WDR44: variants seen among roughly 807,000 people sequenced by gnomAD.
WDR44 encodes WD repeat domain 44, also known as WD repeat-containing protein 44.
A neutral mutation model predicts 65.7 loss-of-function variants in WDR44; 9 were observed. The observed-to-expected ratio is 0.14, with a 90% CI of 0.08 to 0.24. The LOEUF (loss-of-function observed/expected upper bound fraction) is 0.24. Among genes scored for constraint, WDR44 ranks in the 10% least tolerant of loss-of-function variants. The probability of loss-of-function intolerance (pLI) is 1.00; values close to 1 mark genes in which losing one functional copy is unlikely to be tolerated. For synonymous variants in WDR44, 220 were observed against 235.2 expected, an observed-to-expected ratio of 0.94 and a Z score of 0.59; for missense variants, 425 against 670.9, an observed-to-expected ratio of 0.63 and a Z score of 4.05.
At chrX:118,348,437 G>T (rs978106293) in intron 1 of WDR44, among the ~76,000 whole-genome samples, 1 of 111,943 alleles carries the variant, frequency 8.9e-6, no homozygotes, top group East Asian at 2.8e-4. Context: ...ACTGAAAAAG[G>T]TTTTTTTGGA....
At chrX:118,419,344 C>T (rs2057084586) in intron 12 of WDR44, among the ~76,000 whole-genome samples, 1 of 112,017 alleles carries the variant, frequency 8.9e-6, no homozygotes, top group Admixed American at 9.5e-5. Context: ...CAGCGAGCTC[C>T]CAAGGCTTTC....
intron 12 of WDR44, among the ~76,000 whole-genome samples, chrX:118,416,816 G>A (rs190933280): frequency 1.7e-4 from 19 of 111,167 alleles, no homozygotes; most frequent in African/African-American, 2.3e-4. Context: ...TCGTGTTGCC[G>A]TCTATCTCAT....
chrX:118,369,988 T>C (rs2056600437), intron 1 of WDR44, among the ~76,000 whole-genome samples: 1 of 112,148 alleles, frequency 8.9e-6, no homozygotes, highest in African/African-American at 3.2e-5. Context: ...TTTCAGACGT[T>C]GCTTTTTGTG....
At chrX:118,436,079 T>G (rs5956058) in intron 13 of WDR44, among the ~76,000 whole-genome samples, 47,414 of 110,936 alleles carry the variant, frequency 0.43, 10,330 homozygotes, top group African/African-American at 0.84. Flanking sequence ...TAGATGTTTG[T>G]TTCCTGGGCG....
intron 13 of WDR44, 107 bp downstream of exon 13, chrX:118,433,001 A>G: frequency 3.0e-6 from 2 of 665,972 alleles, no homozygotes; most frequent in Non-Finnish European, 4.6e-6. Flanking sequence ...TTTTGTCTTA[A>G]GGCCTTCAAC....
Position 118,346,463 on chromosome X carries a change from C to G in WDR44, c.-41C>G. 1 of 1,161,169 alleles carries G rather than the reference C, an allele frequency of 8.6e-7. No individual in the cohort carries two copies. The highest frequency in any genetic ancestry group is 1.8e-5 in the South Asian group (1 of 55,744). On this transcript the variant is annotated 5_prime_UTR_variant, in exon 1 of 20. Transcript: ENST00000254029. ...GAGGAGACAAGAGTCACCCTTCCTC[C>G]AGGCGGCGCCGGCCCCCTCACCCGC...
intron 1 of WDR44, among the ~76,000 whole-genome samples, chrX:118,369,985 C>T (rs975375880): frequency 1.8e-5 from 2 of 111,873 alleles, no homozygotes; most frequent in Admixed American, 1.9e-4. Flanking sequence ...CTGTTTCAGA[C>T]GTTGCTTTTT....
intron 1 of WDR44, among the ~76,000 whole-genome samples, chrX:118,370,591 CT>C (rs1233714093): frequency 5.8e-4 from 60 of 102,908 alleles, no homozygotes; most frequent in Non-Finnish European, 4.6e-4. Context: ...TAATAAACCT[CT>C]TTTTTTTTTT....
At chrX:118,442,009 T>A (rs1428349915) in intron 15 of WDR44, among the ~76,000 whole-genome samples, 1 of 112,255 alleles carries the variant, frequency 8.9e-6, no homozygotes, top group Non-Finnish European at 1.9e-5. Context: ...ACCAAAGTGC[T>A]GGGATTATAG....
At chrX:118,375,159 A>G (rs767677972) in intron 1 of WDR44, among the ~76,000 whole-genome samples, 64 of 111,315 alleles carry the variant, frequency 5.7e-4, no homozygotes, top group African/African-American at 2.0e-3. Context: ...CACACAAGAA[A>G]TAAATATGGC....
At chrX:118,438,320 A>G (rs1453523514) in intron 14 of WDR44, among the ~76,000 whole-genome samples, 2 of 112,604 alleles carry the variant, frequency 1.8e-5, no homozygotes, top group Non-Finnish European at 3.8e-5. Context: ...ACTGTGAGCA[A>G]AATCTTTCCA....
intron 17 of WDR44, 82 bp downstream of exon 17, chrX:118,442,762 G>C (rs2057313627): frequency 1.4e-6 from 1 of 736,505 alleles, no homozygotes; most frequent in Non-Finnish European, 2.1e-6. Context: ...TATGCCTTAT[G>C]TTTAATGGGG....
intron 12 of WDR44, among the ~76,000 whole-genome samples, chrX:118,422,686 C>T (rs1022944533): frequency 9.4e-6 from 1 of 106,029 alleles, no homozygotes; most frequent in Non-Finnish European, 1.9e-5. Context: ...AGCAAAACTC[C>T]GTCTCAAAAA....
At chrX:118,380,467 TTA>T (rs1158782930) in intron 2 of WDR44, among the ~76,000 whole-genome samples, 1 of 111,903 alleles carries the variant, frequency 8.9e-6, no homozygotes, top group Non-Finnish European at 1.9e-5. Flanking sequence ...ATAAATGGAA[TTA>T]TATACTATGT....
intron 1 of WDR44, among the ~76,000 whole-genome samples, chrX:118,351,629 ATTAG>A (rs1433431387): frequency 3.6e-5 from 4 of 111,310 alleles, no homozygotes; most frequent in African/African-American, 1.3e-4. Context: ...CCCTCTACAT[ATTAG>A]TTAGTAAATT....
In WDR44 at chrX:118,392,940, G is replaced by A; in HGVS notation, c.495G>A (p.Gln165=). 3.3e-6 allele frequency: 4 copies of A among 1,212,264 alleles called. No homozygotes were observed. The highest frequency in any genetic ancestry group is 4.5e-6 in the Non-Finnish European group (4 of 895,677). ...TKLTQTSSTE[Q]LNVLETETEV... is the part of the protein sequence containing the mutation. ...TAACTCAAACAAGTTCAACTGAGCAGCTTAATGTGCTTGAAACTGAAACAG... is the reference window on the plus strand; with the variant it reads ...TAACTCAAACAAGTTCAACTGAGCAACTTAATGTGCTTGAAACTGAAACAG... The change falls in exon 4 of 20, where the codon CAG becomes CAA. Residue 165 remains glutamine, a synonymous_variant. Coordinates refer to ENST00000254029, the MANE Select transcript of WDR44 (RefSeq NM_019045.5).
chrX:118,372,819 TG>T (rs2056625447), intron 1 of WDR44, among the ~76,000 whole-genome samples: 2 of 112,226 alleles, frequency 1.8e-5, no homozygotes, highest in African/African-American at 6.5e-5. Context: ...CTGGGTGCGG[TG>T]GCTCACGCCT....
At position 118,437,254 on chromosome X, in the gene WDR44, T is replaced by C. The variant is rs1307133804; in HGVS notation, c.1974+430T>C. On this transcript the variant is annotated intron_variant, in intron 14 of 19. Coordinates refer to ENST00000254029, the MANE Select transcript of WDR44 (RefSeq NM_019045.5). ...TACAAGATACACTGAATTCATATTG[T>C]TAGTCTTGATATCCCTTCTTTATTC... Among the ~76,000 whole-genome samples, 7 of 111,876 alleles carry C rather than the reference T, an allele frequency of 6.3e-5. No individual in the cohort carries two copies. The Admixed American group carries it at 6.7e-4, about 11-fold the overall frequency.
chrX:118,387,414 G>T lies in WDR44; in HGVS notation c.186G>T (p.Lys62Asn). The change falls in exon 3 of 20, where the codon AAG becomes AAT. Residue 62 changes from lysine to asparagine, a missense_variant and splice_region_variant. Around this residue, in one of 5 missense-constraint regions of WDR44, gnomAD observed 193 missense variants for 209.0 expected, o/e 0.92. Coordinates refer to ENST00000254029, the MANE Select transcript of WDR44 (RefSeq NM_019045.5). The part of the protein sequence containing the change: ...VQELKQDVSK[K>N]IIESIIEESQ... Reference sequence around the variant, plus strand: ...AATTGAAACAAGATGTGTCTAAAAAGGTTGGAAAGATACAATGTCAATATT... The same window carrying T: ...AATTGAAACAAGATGTGTCTAAAAATGTTGGAAAGATACAATGTCAATATT... The T allele has an allele frequency of 2.6e-6, 3 of 1,170,629 alleles. No individual in the cohort carries two copies. The highest frequency in any genetic ancestry group is 3.5e-6 in the Non-Finnish European group (3 of 867,244).
Sources: allele counts gnomAD v4.1 joint callset (sites outside exome capture counted in the v4.1 genomes callset), GRCh38; gene constraint gnomAD v4.1.1; regional missense constraint gnomAD v4.1.1; transcripts MANE v1.5; gene names NCBI Gene and HGNC (gene_info 2026-07-23, HGNC 2026-07-21).